The following RORA variants were observed in gnomAD, a reference collection of about 807,000 sequenced individuals.
RORA encodes the protein nuclear receptor ROR-alpha.
RORA carries 7 observed loss-of-function variants against 69.5 expected under a neutral mutation model. The ratio of observed to expected loss-of-function variants is 0.10; its 90% CI spans 0.06 to 0.19. The LOEUF is 0.19. Among genes scored for constraint, RORA ranks in the 10% least tolerant of loss-of-function variants. RORA has a pLI of 1.00. For missense variants in RORA, 457 were observed against 663.0 expected, an observed-to-expected ratio of 0.69 and a Z score of 3.41; for synonymous variants, 261 against 240.8, an observed-to-expected ratio of 1.08 and a Z score of -0.78.
chr15:60,488,528 CAATAA>C lies in RORA; in HGVS notation c.*8922_*8926del, dbSNP rs2064988868. ...ATATTTTTTTTTTAAATTCAGGACT[CAATAA>C]AATAAACAGCTGGAAATAAGCAGAC... is the stretch of plus-strand genomic sequence containing the variant. On this transcript the variant is annotated 3_prime_UTR_variant, in exon 11 of 11. Transcript: ENST00000335670. 6.6e-6 allele frequency: 1 copy of C among 151,176 alleles called. No homozygotes were observed. The highest frequency in any genetic ancestry group is 2.4e-5 in the African/African-American group (1 of 41,096). The allele number at this position is 151,176 out of a possible 1,614,324, so 9.4% of individuals were successfully genotyped here.
At chr15:60,751,535 C>T (rs1352543402) in intron 1 of RORA, among the ~76,000 whole-genome samples, 1 of 152,176 alleles carries the variant, frequency 6.6e-6, no homozygotes, top group East Asian at 1.9e-4. Context: ...CTTTATCCCA[C>T]TTTACAAATG....
intron 1 of RORA, among the ~76,000 whole-genome samples, chr15:60,779,548 G>A (rs997109055): frequency 6.6e-6 from 1 of 152,214 alleles, no homozygotes; most frequent in Non-Finnish European, 1.5e-5. Flanking sequence ...CATAGAAGGG[G>A]AAATGCTGTT....
intron 1 of RORA, among the ~76,000 whole-genome samples, chr15:60,989,616 T>C (rs1221476543): frequency 2.0e-5 from 3 of 152,232 alleles, no homozygotes; most frequent in Admixed American, 1.3e-4. Context: ...ATGGGGAAAC[T>C]GAGGCAGGAA....
chr15:60,753,651 T>C (rs1462938313), intron 1 of RORA, among the ~76,000 whole-genome samples: 2 of 152,254 alleles, frequency 1.3e-5, no homozygotes, highest in Non-Finnish European at 2.9e-5. Flanking sequence ...AGCAATGAGA[T>C]TGAAATCCAA....
intron 1 of RORA, among the ~76,000 whole-genome samples, chr15:60,686,149 A>G (rs1314371638): frequency 6.6e-6 from 1 of 152,202 alleles, no homozygotes; most frequent in Non-Finnish European, 1.5e-5. Flanking sequence ...TTGGACAGGC[A>G]GACCAGAAGT....
At chr15:61,198,430 C>T (rs1029351835) in intron 1 of RORA, among the ~76,000 whole-genome samples, 1 of 152,100 alleles carries the variant, frequency 6.6e-6, no homozygotes, top group Non-Finnish European at 1.5e-5. Context: ...TAAACATTCT[C>T]ATCATGGATG....
At chr15:60,772,100 C>T (rs1038446079) in intron 1 of RORA, among the ~76,000 whole-genome samples, 4 of 151,982 alleles carry the variant, frequency 2.6e-5, no homozygotes, top group Non-Finnish European at 1.5e-5. Flanking sequence ...GATACAAGTG[C>T]ATAACGTGCA....
intron 1 of RORA, among the ~76,000 whole-genome samples, chr15:60,990,398 G>A (rs1024158864): frequency 6.6e-6 from 1 of 152,132 alleles, no homozygotes; most frequent in Non-Finnish European, 1.5e-5. Flanking sequence ...AGAAAAATGA[G>A]TAAATTTCCT....
chr15:61,012,950 C>A (rs909764554), intron 1 of RORA, among the ~76,000 whole-genome samples: 2 of 152,142 alleles, frequency 1.3e-5, no homozygotes, highest in African/African-American at 4.8e-5. Context: ...GCGCTCCCAG[C>A]CTCATCTAAC....
chr15:61,084,342 G>A (rs1027091501), intron 1 of RORA, among the ~76,000 whole-genome samples: 1 of 152,164 alleles, frequency 6.6e-6, no homozygotes, highest in Non-Finnish European at 1.5e-5. Context: ...GGTAGCAACT[G>A]TACAGATTCT....
At chr15:60,646,635 A>G (rs868302256) in intron 2 of RORA, among the ~76,000 whole-genome samples, 1 of 152,188 alleles carries the variant, frequency 6.6e-6, no homozygotes, top group African/African-American at 2.4e-5. Flanking sequence ...ACTACTTGCC[A>G]TTTGTTTTGC....
chr15:60,716,820 C>T (rs2071226326), intron 1 of RORA, among the ~76,000 whole-genome samples: 1 of 152,198 alleles, frequency 6.6e-6, no homozygotes, highest in Non-Finnish European at 1.5e-5. Flanking sequence ...GTGGAGGTTC[C>T]TGGAGAATGG....
At chr15:60,592,292 T>C in intron 2 of RORA, 1 of 899,970 alleles carries the variant, frequency 1.1e-6, no homozygotes, top group Non-Finnish European at 1.5e-6. Flanking sequence ...GTACGTGCGT[T>C]CGGGCAGGCG....
At chr15:60,721,485 AT>A (rs1242864859) in intron 1 of RORA, among the ~76,000 whole-genome samples, 7 of 152,254 alleles carry the variant, frequency 4.6e-5, no homozygotes, top group Non-Finnish European at 1.0e-4. Flanking sequence ...TTATTTAAGT[AT>A]ATATTTATTT....
intron 1 of RORA, among the ~76,000 whole-genome samples, chr15:60,694,036 A>C (rs920892242): frequency 4.6e-5 from 7 of 152,196 alleles, no homozygotes. Flanking sequence ...ACGCTGCTTG[A>C]CTTCAAATTA....
At chr15:61,144,941 G>C (rs56196842) in intron 1 of RORA, among the ~76,000 whole-genome samples, 22,814 of 152,066 alleles carry the variant, frequency 0.15, 1,897 homozygotes, top group Non-Finnish European at 0.18. Context: ...TTTTTATTCT[G>C]TATGTGTTAT....
chr15:61,050,502 T>C (rs142956472), intron 1 of RORA, among the ~76,000 whole-genome samples: 3 of 152,334 alleles, frequency 2.0e-5, no homozygotes, highest in Non-Finnish European at 4.4e-5. Context: ...TGTAATTCTA[T>C]ATGGTCTCTG....
rs2071211675 is a variant in RORA, at chr15:60,715,803, T to C, written c.167-37117A>G. ...ACACTCACCATTTAATAGCCAAAAATCCCTCTAAAATGTTAGGGGAAGGAA... is the reference window on the plus strand; with the variant it reads ...ACACTCACCATTTAATAGCCAAAAACCCCTCTAAAATGTTAGGGGAAGGAA... On this transcript the variant is annotated intron_variant, in intron 1 of 10. Transcript: ENST00000335670. Among the ~76,000 whole-genome samples, 4 of 152,198 alleles carry C rather than the reference T, an allele frequency of 2.6e-5. No homozygotes were observed. The South Asian group carries it at 8.3e-4, about 32-fold the overall frequency.
intron 1 of RORA, among the ~76,000 whole-genome samples, chr15:60,963,165 G>T (rs765262720): frequency 1.3e-5 from 2 of 152,150 alleles, no homozygotes; most frequent in African/African-American, 4.8e-5. Flanking sequence ...TTTACGCTTC[G>T]AAGAAATTGA....
Sources: gnomAD v4.1 joint callset for allele counts (sites outside exome capture counted in the v4.1 genomes callset) on GRCh38, gnomAD v4.1.1 for gene constraint, MANE v1.5 for transcripts, NCBI Gene and HGNC (gene_info 2026-07-23, HGNC 2026-07-21) for gene names.